Variants in FARP1 observed in about 807,000 individuals in gnomAD.
FARP1 encodes the protein FERM, ARHGEF and pleckstrin domain-containing protein 1.
A neutral mutation model predicts 128.8 loss-of-function variants in FARP1; 52 were observed. That is an observed-to-expected ratio of 0.40 (90% CI 0.32 to 0.51). The LOEUF (loss-of-function observed/expected upper bound fraction) is 0.51. Ranked by LOEUF, FARP1 falls within the 20% of genes least tolerant of loss-of-function variation. FARP1 has a pLI of 0.45. For missense variants in FARP1, 1,333 were observed against 1,367.9 expected (o/e 0.97, Z 0.40); for synonymous variants, 580 against 551.8 (o/e 1.05, Z -0.72).
At chr13:98,186,544 C>T (rs1371614747) in intron 1 of FARP1, among the ~76,000 whole-genome samples, 1 of 152,200 alleles carries the variant, frequency 6.6e-6, no homozygotes, top group African/African-American at 2.4e-5. Flanking sequence ...TTGTGACTGG[C>T]TAATTTCACT....
intron 4 of FARP1, among the ~76,000 whole-genome samples, chr13:98,365,977 G>T (rs1381326413): frequency 6.6e-6 from 1 of 151,972 alleles, no homozygotes; most frequent in African/African-American, 2.4e-5. Flanking sequence ...TAGACTGTGT[G>T]TTGGAAAGAA....
chr13:98,332,829 A>G (rs1363181968), intron 2 of FARP1: 1 of 152,244 alleles, frequency 6.6e-6, no homozygotes, highest in East Asian at 1.9e-4. Flanking sequence ...TCGCCTGCAT[A>G]TGATGGAAGA....
intron 16 of FARP1, among the ~76,000 whole-genome samples, chr13:98,421,537 A>G (rs1285164478): frequency 6.6e-6 from 1 of 152,206 alleles, no homozygotes; most frequent in Non-Finnish European, 1.5e-5. Context: ...GATCCATTCA[A>G]AAAATTCTGG....
rs116951351 is a variant in FARP1, at chr13:98,282,368, G to A, written c.172-61394G>A. On this transcript the variant is annotated intron_variant, in intron 2 of 26. Transcript: ENST00000319562. The stretch of plus-strand genomic sequence containing the variant: ...ACACAGGCTTAGTTATTGTTCCTAG[G>A]ACATAGAAGGTTGGAAAGAGATAGA... Among the ~76,000 whole-genome samples the A allele has an allele frequency of 1.5e-3, 224 of 152,224 alleles. 1 individual carries two copies. The highest frequency in any genetic ancestry group is 7.9e-4 in the Non-Finnish European group (54 of 68,006).
chr13:98,397,915 A>G (rs5026355), intron 13 of FARP1: 32 of 37,552 alleles, frequency 8.5e-4, no homozygotes, highest in South Asian at 1.8e-3. Context: ...AAAAAAAAAA[A>G]AAAAGATAAA....
At chr13:98,441,578 G>A (rs915383624) in intron 24 of FARP1, among the ~76,000 whole-genome samples, 9 of 152,200 alleles carry the variant, frequency 5.9e-5, no homozygotes, top group African/African-American at 1.7e-4. Context: ...GGTATGGTGC[G>A]GGACCCTTTC....
At chr13:98,153,318 TATAAATA>T (rs1313014423) in intron 1 of FARP1, among the ~76,000 whole-genome samples, 2 of 10,494 alleles carry the variant, frequency 1.9e-4, no homozygotes, top group Non-Finnish European at 7.6e-4. Context: ...ATATAAAATA[TATAAATA>T]ATATAATATA....
intron 1 of FARP1, among the ~76,000 whole-genome samples, chr13:98,207,649 C>T (rs1396538239): frequency 4.2e-5 from 6 of 144,012 alleles, no homozygotes; most frequent in Admixed American, 4.2e-4. Flanking sequence ...GGGCCTGTCC[C>T]TGCTGAGCAA....
chr13:98,386,014 T>G (rs1014227038), intron 8 of FARP1, 200 bp downstream of exon 8: 5 of 567,628 alleles, frequency 8.8e-6, no homozygotes, highest in Non-Finnish European at 1.5e-5. Flanking sequence ...TTTGCCCTGT[T>G]TGGGGAATCC....
intron 16 of FARP1, 35 bp downstream of exon 16, chr13:98,412,069 C>T: frequency 6.2e-7 from 1 of 1,603,594 alleles, no homozygotes; most frequent in Non-Finnish European, 8.5e-7. Context: ...TACGTTCCTC[C>T]CTCCGTCTTG....
At position 98,454,050 on chromosome 13, in the gene FARP1, G is replaced by A. The variant is rs1206643821; in HGVS notation, c.*5733G>A. ...ATTGGGGATTTGGGATATTCAGCCT[G>A]TATATGTGCACTATATAAGTATATT... On this transcript the variant is annotated 3_prime_UTR_variant, in exon 27 of 27. Coordinates refer to ENST00000319562, the MANE Select transcript of FARP1 (RefSeq NM_005766.4). The A allele has an allele frequency of 6.6e-6, 1 of 152,174 alleles. No homozygotes were observed. Among genetic ancestry groups the A allele is most frequent in the African/African-American group, 2.4e-5 (1 of 41,432 alleles). The allele number at this position is 152,174 out of a possible 1,614,324, so 9.4% of individuals were successfully genotyped here.
At chr13:98,219,251 C>T (rs1881275283) in intron 2 of FARP1, among the ~76,000 whole-genome samples, 1 of 152,172 alleles carries the variant, frequency 6.6e-6, no homozygotes, top group Admixed American at 6.5e-5. Context: ...CTCTTTGTGG[C>T]CCTGCAGTTG....
intron 1 of FARP1, among the ~76,000 whole-genome samples, chr13:98,164,218 C>A (rs777101433): frequency 2.6e-5 from 4 of 152,130 alleles, no homozygotes; most frequent in Non-Finnish European, 5.9e-5. Context: ...GGATAGTTTG[C>A]CTCCATTTGT....
intron 16 of FARP1, 112 bp from the exon 17 acceptor site, chr13:98,424,460 G>T: frequency 1.4e-6 from 1 of 726,130 alleles, no homozygotes. Flanking sequence ...AAGTTCAGGA[G>T]ATGTCCGGGG....
At chr13:98,326,342 C>T (rs1482052162) in intron 2 of FARP1, among the ~76,000 whole-genome samples, 2 of 152,146 alleles carry the variant, frequency 1.3e-5, no homozygotes, top group Admixed American at 1.3e-4. Flanking sequence ...AATTTACCAC[C>T]TTCATCGTTT....
At chr13:98,361,426 T>A (rs975149818) in intron 3 of FARP1, among the ~76,000 whole-genome samples, 1 of 152,228 alleles carries the variant, frequency 6.6e-6, no homozygotes, top group Non-Finnish European at 1.5e-5. Flanking sequence ...AGAGGAGAGA[T>A]GTTTAAAAAC....
intron 24 of FARP1, chr13:98,445,741 C>G (rs569464022): frequency 3.6e-4 from 61 of 169,566 alleles, no homozygotes; most frequent in Admixed American, 7.7e-4. Context: ...ACACCACTCC[C>G]GTTGGATTTA....
chr13:98,240,915 T>C (rs1882732001), intron 2 of FARP1, among the ~76,000 whole-genome samples: 1 of 152,226 alleles, frequency 6.6e-6, no homozygotes, highest in African/African-American at 2.4e-5. Flanking sequence ...AGCTTTGCCC[T>C]GGACTTCCTA....
At chr13:98,163,424 C>G (rs1393622203) in intron 1 of FARP1, among the ~76,000 whole-genome samples, 1 of 152,078 alleles carries the variant, frequency 6.6e-6, no homozygotes, top group Non-Finnish European at 1.5e-5. Flanking sequence ...TATAACAAAC[C>G]TGCACGTGTA....
Sources: allele counts gnomAD v4.1 joint callset (sites outside exome capture counted in the v4.1 genomes callset), GRCh38; gene constraint gnomAD v4.1.1; transcripts MANE v1.5; gene names NCBI Gene and HGNC (gene_info 2026-07-23, HGNC 2026-07-21).